The following PUS10 variants were observed in gnomAD, a reference collection of about 807,000 sequenced individuals.
PUS10 encodes pseudouridine synthase 10.
A neutral mutation model predicts 75.0 loss-of-function variants in PUS10; 59 were observed. The observed-to-expected ratio is 0.79, with a 90% CI of 0.64 to 0.98. PUS10 has a LOEUF of 0.98. Among genes scored for constraint, PUS10 ranks in the 50% least tolerant of loss-of-function variants. The probability of loss-of-function intolerance (pLI) is 0.00; values close to 1 mark genes in which losing one functional copy is unlikely to be tolerated. For missense variants in PUS10, 650 were observed against 614.4 expected (o/e 1.06, Z -0.61); for synonymous variants, 219 against 211.6 (o/e 1.03, Z -0.30).
In PUS10 at chr2:61,018,205, G is replaced by T. The variant is rs1446059758; in HGVS notation, c.-213C>A. On this transcript the variant is annotated 5_prime_UTR_variant, in exon 1 of 18. In the 5' UTR this introduces an upstream ATG that the reference lacks. Coordinates refer to ENST00000316752, the MANE Select transcript of PUS10 (RefSeq NM_144709.4). ...AAAGCGTAGACTTTGGTCTGTAGCAGTTGAGAGCGGCATTTGTCCAGCCAC... is the reference window on the plus strand; with the variant it reads ...AAAGCGTAGACTTTGGTCTGTAGCATTTGAGAGCGGCATTTGTCCAGCCAC... 3 of 1,551,034 alleles carry T rather than the reference G, an allele frequency of 1.9e-6. No homozygotes were observed. Among genetic ancestry groups the T allele is most frequent in the Admixed American group, 3.9e-5 (2 of 51,004 alleles).
chr2:60,984,945 G>A (rs886942098), intron 4 of PUS10, among the ~76,000 whole-genome samples: 27 of 152,318 alleles, frequency 1.8e-4, no homozygotes, highest in African/African-American at 6.5e-4. Flanking sequence ...GTAGAAAAGA[G>A]GAAGAGAAAG....
chr2:60,968,030 G>A (rs1676446784), intron 5 of PUS10, among the ~76,000 whole-genome samples: 1 of 152,066 alleles, frequency 6.6e-6, no homozygotes, highest in Non-Finnish European at 1.5e-5. Context: ...TTCCCCTCTT[G>A]TTGAAAATGG....
At chr2:60,994,963 G>A (rs975039390) in intron 4 of PUS10, among the ~76,000 whole-genome samples, 9 of 152,110 alleles carry the variant, frequency 5.9e-5, no homozygotes, top group East Asian at 1.9e-4. Flanking sequence ...GGTGACGAGC[G>A]TCTGTAGTCC....
At chr2:60,950,607 C>T (rs923738209) in intron 15 of PUS10, among the ~76,000 whole-genome samples, 4 of 152,058 alleles carry the variant, frequency 2.6e-5, no homozygotes, top group East Asian at 1.9e-4. Context: ...TCAGTAGATA[C>T]GGGGTTTCAC....
At chr2:61,017,779 C>A in intron 1 of PUS10, 2 of 1,550,112 alleles carry the variant, frequency 1.3e-6, no homozygotes, top group Non-Finnish European at 1.7e-6. Context: ...CAGCCGCCAC[C>A]TCCCCCCAAA....
At chr2:61,016,342 T>C (rs1679976996) in intron 1 of PUS10, among the ~76,000 whole-genome samples, 2 of 152,250 alleles carry the variant, frequency 1.3e-5, no homozygotes, top group African/African-American at 4.8e-5. Flanking sequence ...CAACAATTTA[T>C]CAACTTCTCA....
chr2:60,975,388 G>A (rs926827763), intron 4 of PUS10, among the ~76,000 whole-genome samples: 15 of 151,910 alleles, frequency 9.9e-5, no homozygotes, highest in Non-Finnish European at 1.9e-4. Flanking sequence ...CTCGTGATCC[G>A]CCCGCCTTGG....
rs1676278929 is a variant in PUS10 at position 60,965,403 on chromosome 2, T to G, written c.677+20A>C. 6.3e-7 allele frequency: 1 copy of G among 1,594,308 alleles called. No homozygotes were observed. The highest frequency in any genetic ancestry group is 8.6e-7 in the Non-Finnish European group (1 of 1,164,792). ...CATTAACAATTTTACACCATTGACGTTGTTTACATGGCAACTTACAGGAAG... is the reference window on the plus strand; with the variant it reads ...CATTAACAATTTTACACCATTGACGGTGTTTACATGGCAACTTACAGGAAG... On this transcript the variant is annotated intron_variant, in intron 7 of 17. Transcript: ENST00000316752.
Position 60,982,916 on chromosome 2 carries a change from A to G in PUS10, c.469-11359T>C, listed in dbSNP as rs369107407. Among the ~76,000 whole-genome samples, 51 of 152,074 alleles carry G rather than the reference A, an allele frequency of 3.4e-4. No homozygotes were observed. The South Asian group carries it at 9.4e-3, about 28-fold the overall frequency. On this transcript the variant is annotated intron_variant, in intron 4 of 17. Transcript: ENST00000316752. ...GCGATCATGACTCACTGCAGCCTCT[A>G]ACTCCCAGGCTCAAGTGATCCTCCA...
In PUS10 at chr2:61,003,656, C is replaced by A. The variant is rs144242130; in HGVS notation, c.468+2901G>T. ...ACCCCCCAGGTCCAAGCAATCCCCC[C>A]ACCTTGGTCTCCAGGGTAGCTGGGA... On this transcript the variant is annotated intron_variant, in intron 4 of 17. Transcript: ENST00000316752. Among the ~76,000 whole-genome samples, 401 of 151,428 alleles carry A rather than the reference C, an allele frequency of 2.6e-3. 2 individuals carry two copies. Among genetic ancestry groups the A allele is most frequent in the African/African-American group, 8.1e-3 (335 of 41,242 alleles).
intron 16 of PUS10, among the ~76,000 whole-genome samples, chr2:60,947,194 T>G (rs1028598152): frequency 6.6e-6 from 1 of 152,204 alleles, no homozygotes; most frequent in Admixed American, 6.5e-5. Flanking sequence ...ACTAATGATA[T>G]GTCATCTGAA....
chr2:61,014,142 G>C (rs1679815593), intron 1 of PUS10, among the ~76,000 whole-genome samples: 1 of 152,300 alleles, frequency 6.6e-6, no homozygotes. Context: ...GGGAAGCCGA[G>C]GCGGGCGGAT....
At chr2:60,985,915 T>C (rs1052822265) in intron 4 of PUS10, among the ~76,000 whole-genome samples, 1 of 144,638 alleles carries the variant, frequency 6.9e-6, no homozygotes, top group Non-Finnish European at 1.5e-5. Context: ...AGAACACTTG[T>C]TATAGGAGAA....
intron 5 of PUS10, among the ~76,000 whole-genome samples, chr2:60,968,371 T>C (rs1239524300): frequency 1.3e-5 from 2 of 152,116 alleles, no homozygotes; most frequent in African/African-American, 4.8e-5. Context: ...ACTAACAAAC[T>C]AACAAGCCCA....
At chr2:60,942,658 G>C (rs917814011) in intron 17 of PUS10, among the ~76,000 whole-genome samples, 3 of 152,036 alleles carry the variant, frequency 2.0e-5, no homozygotes, top group Non-Finnish European at 4.4e-5. Flanking sequence ...CTACTCAGTT[G>C]GTTATTAACT....
chr2:60,985,797 C>T (rs985204187), intron 4 of PUS10, among the ~76,000 whole-genome samples: 2 of 152,008 alleles, frequency 1.3e-5, no homozygotes, highest in African/African-American at 2.4e-5. Flanking sequence ...CCACTGCACC[C>T]GGCCTTTTCT....
At chr2:60,966,996 G>C (rs1297269567) in intron 6 of PUS10, 1 of 152,718 alleles carries the variant, frequency 6.5e-6, no homozygotes, top group Non-Finnish European at 1.5e-5. Flanking sequence ...CTCTGGAAAA[G>C]GGAAATGTTC....
In PUS10 at chr2:60,987,962, G is replaced by A. The variant is rs562478356; in HGVS notation, c.469-16405C>T. 5.1e-4 allele frequency among the ~76,000 whole-genome samples: 77 copies of A among 151,412 alleles called. 1 individual carries two copies. Among genetic ancestry groups the A allele is most frequent in the South Asian group, 4.6e-3 (22 of 4,796 alleles). On this transcript the variant is annotated intron_variant, in intron 4 of 17. Coordinates refer to ENST00000316752, the MANE Select transcript of PUS10 (RefSeq NM_144709.4). ...AAATTAGCCAGGCATGGTGGCACACGCCTGTAGTCCCAGCTATTTGGGAGG... is the reference window on the plus strand; with the variant it reads ...AAATTAGCCAGGCATGGTGGCACACACCTGTAGTCCCAGCTATTTGGGAGG...
At chr2:60,993,435 A>C (rs778034997) in intron 4 of PUS10, among the ~76,000 whole-genome samples, 3 of 151,890 alleles carry the variant, frequency 2.0e-5, no homozygotes, top group Admixed American at 6.6e-5. Context: ...CCAGCCTGGG[A>C]GACAGGGTGA....
Sources: allele counts gnomAD v4.1 joint callset (sites outside exome capture counted in the v4.1 genomes callset), GRCh38; gene constraint gnomAD v4.1.1; transcripts MANE v1.5; gene names NCBI Gene and HGNC (gene_info 2026-07-23, HGNC 2026-07-21).